The following NPAS3 variants were observed in gnomAD, a reference collection of about 807,000 sequenced individuals.
The protein encoded by NPAS3 is neuronal PAS domain protein 3.
In NPAS3, 14 loss-of-function variants were observed where a neutral mutation model predicts 73.1. The observed-to-expected ratio is 0.19, with a 90% CI of 0.13 to 0.30. NPAS3 has a LOEUF of 0.30. Among genes scored for constraint, NPAS3 ranks in the 10% least tolerant of loss-of-function variants. The probability of loss-of-function intolerance (pLI) is 1.00; values close to 1 mark genes in which losing one functional copy is unlikely to be tolerated. For synonymous variants in NPAS3, 620 were observed against 541.5 expected (o/e 1.14, Z -2.01); for missense variants, 1,096 against 1,250.0 (o/e 0.88, Z 1.86).
At chr14:33,304,761 T>A (rs2042692222) in intron 3 of NPAS3, among the ~76,000 whole-genome samples, 1 of 152,172 alleles carries the variant, frequency 6.6e-6, no homozygotes, top group Non-Finnish European at 1.5e-5. Flanking sequence ...ATTTTGTGTA[T>A]GCATGTTTAT....
At chr14:33,258,069 A>C (rs1231271268) in intron 3 of NPAS3, among the ~76,000 whole-genome samples, 5 of 152,284 alleles carry the variant, frequency 3.3e-5, no homozygotes, top group Non-Finnish European at 7.4e-5. Flanking sequence ...TAAACTTAAT[A>C]TTTTATTTTT....
intron 4 of NPAS3, among the ~76,000 whole-genome samples, chr14:33,531,524 A>T (rs1025858698): frequency 6.6e-6 from 1 of 152,066 alleles, no homozygotes; most frequent in Admixed American, 6.6e-5. Context: ...ATTCCTTTTT[A>T]TTGCTGAGTG....
At chr14:33,022,321 G>A (rs145429865) in intron 1 of NPAS3, among the ~76,000 whole-genome samples, 2 of 152,228 alleles carry the variant, frequency 1.3e-5, no homozygotes, top group East Asian at 3.9e-4. Flanking sequence ...TTACCCTGCA[G>A]GGCATTTCCA....
intron 2 of NPAS3, among the ~76,000 whole-genome samples, chr14:33,108,000 A>G (rs944039436): frequency 1.3e-5 from 2 of 152,202 alleles, no homozygotes; most frequent in African/African-American, 4.8e-5. Flanking sequence ...GCAATGAAAG[A>G]GGACTGTCCT....
chr14:33,230,082 A>T (rs1026503047), intron 3 of NPAS3, among the ~76,000 whole-genome samples: 1 of 152,190 alleles, frequency 6.6e-6, no homozygotes, highest in Non-Finnish European at 1.5e-5. Context: ...AGCTAAAGAG[A>T]TAAATGCAGT....
intron 7 of NPAS3, among the ~76,000 whole-genome samples, chr14:33,750,246 ACT>A (rs1287333746): frequency 6.6e-6 from 1 of 150,482 alleles, no homozygotes; most frequent in Non-Finnish European, 1.5e-5. Flanking sequence ...CATCATTAGT[ACT>A]CTGTCATTCT....
At chr14:33,364,617 G>A (rs761707095) in intron 3 of NPAS3, among the ~76,000 whole-genome samples, 23 of 152,044 alleles carry the variant, frequency 1.5e-4, no homozygotes, top group Non-Finnish European at 2.4e-4. Context: ...GGTGTATGGG[G>A]GTACACACTC....
intron 3 of NPAS3, among the ~76,000 whole-genome samples, chr14:33,313,919 T>C (rs960800637): frequency 6.6e-6 from 1 of 152,140 alleles, no homozygotes; most frequent in Non-Finnish European, 1.5e-5. Context: ...TCAAATGTTA[T>C]GCATAATTCA....
chr14:33,006,514 T>C (rs1354509924), intron 1 of NPAS3, among the ~76,000 whole-genome samples: 1 of 152,146 alleles, frequency 6.6e-6, no homozygotes, highest in African/African-American at 2.4e-5. Context: ...GGGGTAACCA[T>C]GGGTTACCAC....
rs531151508 is a variant in NPAS3, at chr14:33,621,557, G to A, written c.559-54654G>A. 7.3e-4 allele frequency among the ~76,000 whole-genome samples: 111 copies of A among 152,192 alleles called. No homozygotes were observed. The Middle Eastern group carries it at 0.017, about 23-fold the overall frequency. On this transcript the variant is annotated intron_variant, in intron 5 of 11. Transcript: ENST00000356141. The stretch of plus-strand genomic sequence containing the variant: ...TAACTATCTCCATACCCCCACTATG[G>A]TTAAATTTTTATATAAATAGCTAGT...
At chr14:33,217,131 A>G (rs1473460309) in intron 3 of NPAS3, among the ~76,000 whole-genome samples, 1 of 152,112 alleles carries the variant, frequency 6.6e-6, no homozygotes, top group Non-Finnish European at 1.5e-5. Context: ...AAAGAAAGAG[A>G]CAGCAAAAGG....
intron 4 of NPAS3, among the ~76,000 whole-genome samples, chr14:33,448,952 C>T (rs908793274): frequency 6.6e-6 from 1 of 152,096 alleles, no homozygotes; most frequent in Non-Finnish European, 1.5e-5. Context: ...CCTGATATGT[C>T]TGTGGCCAAA....
At chr14:33,528,260 C>T (rs142071886) in intron 4 of NPAS3, among the ~76,000 whole-genome samples, 1 of 151,954 alleles carries the variant, frequency 6.6e-6, no homozygotes, top group East Asian at 2.0e-4. Flanking sequence ...GACCTCAAAG[C>T]CTAAGCTTTG....
chr14:33,093,460 C>G (rs143367352), intron 2 of NPAS3, among the ~76,000 whole-genome samples: 5,873 of 152,216 alleles, frequency 0.039, 356 homozygotes, highest in African/African-American at 0.13. Context: ...ATTAAAAAGT[C>G]AGGGAACAAC....
Position 33,797,432 on chromosome 14 carries a change from C to T in NPAS3, c.1302-25C>T, listed in dbSNP as rs764436790. 4 of 1,613,404 alleles carry T rather than the reference C, an allele frequency of 2.5e-6. No individual in the cohort carries two copies. The East Asian group carries it at 8.9e-5, about 36-fold the overall frequency. ...ACCATGCAGAATGGGTGTCTGCACT[C>T]CTGACCAGTGCCTCCCTTCCACAGC... On this transcript the variant is annotated intron_variant, in intron 10 of 11. Coordinates refer to ENST00000356141, the Ensembl canonical transcript of NPAS3.
chr14:33,493,433 C>G (rs1349789158), intron 4 of NPAS3, among the ~76,000 whole-genome samples: 2 of 151,728 alleles, frequency 1.3e-5, no homozygotes, highest in Non-Finnish European at 2.9e-5. Flanking sequence ...CTTTGTGACT[C>G]TGAAACCATA....
intron 3 of NPAS3, among the ~76,000 whole-genome samples, chr14:33,319,545 G>A (rs1350722917): frequency 2.0e-5 from 3 of 152,078 alleles, no homozygotes; most frequent in African/African-American, 7.2e-5. Context: ...ACCTATGTGA[G>A]GCACTGTGCT....
intron 2 of NPAS3, among the ~76,000 whole-genome samples, chr14:33,137,074 G>T (rs2043868438): frequency 1.3e-5 from 2 of 152,110 alleles, no homozygotes; most frequent in African/African-American, 4.8e-5. Flanking sequence ...TGCAAAAAAA[G>T]AATAAATTGT....
intron 2 of NPAS3, among the ~76,000 whole-genome samples, chr14:33,112,427 T>C (rs2042925447): frequency 6.6e-6 from 1 of 152,202 alleles, no homozygotes; most frequent in South Asian, 2.1e-4. Flanking sequence ...CCAGTGATGA[T>C]GAGCATTTTT....
Sources: allele counts gnomAD v4.1 joint callset (sites outside exome capture counted in the v4.1 genomes callset), GRCh38; gene constraint gnomAD v4.1.1; transcripts MANE v1.5; gene names NCBI Gene and HGNC (gene_info 2026-07-23, HGNC 2026-07-21).